The following RHOA variants were observed in gnomAD, a reference collection of about 807,000 sequenced individuals.
RHOA encodes transforming protein RhoA.
RHOA carries 3 observed loss-of-function variants against 17.5 expected under a neutral mutation model. The ratio of observed to expected loss-of-function variants is 0.17; its 90% CI spans 0.08 to 0.44. RHOA has a LOEUF of 0.44. Ranked by LOEUF, RHOA falls within the 20% of genes least tolerant of loss-of-function variation. RHOA has a pLI of 0.99. For missense variants in RHOA, 56 were observed against 242.3 expected, an observed-to-expected ratio of 0.23 and a Z score of 5.10; for synonymous variants, 98 against 88.4, an observed-to-expected ratio of 1.11 and a Z score of -0.61.
Position 49,381,446 on chromosome 3 carries a change from T to C in RHOA, c.-2-5855A>G, listed in dbSNP as rs113109889. Among the ~76,000 whole-genome samples the C allele has an allele frequency of 1.0e-3, 153 of 149,708 alleles. 1 individual carries two copies. Among genetic ancestry groups the C allele is most frequent in the South Asian group, 1.7e-3 (8 of 4,710 alleles). On this transcript the variant is annotated intron_variant, in intron 1 of 4. Coordinates refer to ENST00000418115, the MANE Select transcript of RHOA (RefSeq NM_001664.4). ...GTTAGCTGGGTTGGTGGCAGGCACC[T>C]GTAACCCCTGAAAGGCTACTCAGGA... is the stretch of plus-strand genomic sequence containing the variant.
chr3:49,388,592 C>A (rs2048441383), intron 1 of RHOA, among the ~76,000 whole-genome samples: 1 of 152,168 alleles, frequency 6.6e-6, no homozygotes. Flanking sequence ...ATGAGCAACT[C>A]TCCGCATTTC....
At chr3:49,406,107 G>C (rs779179707) in intron 1 of RHOA, among the ~76,000 whole-genome samples, 1 of 152,152 alleles carries the variant, frequency 6.6e-6, no homozygotes, top group East Asian at 1.9e-4. Flanking sequence ...AAAAAAACAG[G>C]TATTTCCAAC....
intron 1 of RHOA, among the ~76,000 whole-genome samples, chr3:49,400,372 C>T (rs904828473): frequency 6.6e-6 from 1 of 151,898 alleles, no homozygotes; most frequent in Non-Finnish European, 1.5e-5. Context: ...AGGGTTGATT[C>T]CCACTACTCA....
chr3:49,391,322 A>T (rs1575668031), intron 1 of RHOA, among the ~76,000 whole-genome samples: 1 of 151,238 alleles, frequency 6.6e-6, no homozygotes, highest in South Asian at 2.1e-4. Flanking sequence ...AACCCAGGAG[A>T]CAGAGGCTGC....
chr3:49,374,942 A>C (rs1185519021), intron 2 of RHOA, among the ~76,000 whole-genome samples: 2 of 152,004 alleles, frequency 1.3e-5, no homozygotes, highest in Admixed American at 6.6e-5. Context: ...CCGTAATCCC[A>C]GCTACTGGGG....
intron 1 of RHOA, among the ~76,000 whole-genome samples, chr3:49,411,230 T>TTA (rs1161748170): frequency 6.6e-6 from 1 of 152,006 alleles, no homozygotes; most frequent in African/African-American, 2.4e-5. Context: ...GCGTTCCAGG[T>TTA]GGTATGGCCG....
At chr3:49,365,066 A>G (rs1440256268) in intron 3 of RHOA, 1 of 152,000 alleles carries the variant, frequency 6.6e-6, no homozygotes, top group Non-Finnish European at 1.5e-5. Context: ...TACTGGGTTT[A>G]CTGTTGTTAT....
At chr3:49,385,221 CTT>C (rs539105194) in intron 1 of RHOA, among the ~76,000 whole-genome samples, 2 of 140,542 alleles carry the variant, frequency 1.4e-5, no homozygotes, top group Non-Finnish European at 3.1e-5. Context: ...GCCCCCCTAC[CTT>C]TTTTTTTTTT....
At position 49,359,550 on chromosome 3, in the gene RHOA, TAC is replaced by T. The variant is rs1481291546; in HGVS notation, c.*657_*658del. The T allele has an allele frequency of 9.9e-6, 2 of 202,938 alleles. No individual in the cohort carries two copies. Among genetic ancestry groups the T allele is most frequent in the African/African-American group, 4.6e-5 (2 of 43,632 alleles). 12.6% of individuals were successfully genotyped at this position (202,938 alleles called of 1,614,324 possible). On this transcript the variant is annotated 3_prime_UTR_variant, in exon 5 of 5. Coordinates refer to ENST00000418115, the MANE Select transcript of RHOA (RefSeq NM_001664.4). ...TACACTTTCTTTTTTAAAAAACCAA[TAC>T]ACTTTCTTTGAGGATGACAGTATTA...
At chr3:49,383,608 A>T (rs1439577665) in intron 1 of RHOA, among the ~76,000 whole-genome samples, 1 of 151,962 alleles carries the variant, frequency 6.6e-6, no homozygotes, top group African/African-American at 2.4e-5. Context: ...CCTGCACTCC[A>T]TTCCTTCCGG....
chr3:49,370,345 T>A (rs1319619960), intron 2 of RHOA, among the ~76,000 whole-genome samples: 1 of 152,200 alleles, frequency 6.6e-6, no homozygotes, highest in African/African-American at 2.4e-5. Flanking sequence ...TAAAAGTGTT[T>A]AATTATAAAT....
intron 2 of RHOA, chr3:49,373,246 A>G: frequency 4.8e-6 from 1 of 206,972 alleles, no homozygotes; most frequent in Non-Finnish European, 1.1e-5. Flanking sequence ...CGGGAGGCTG[A>G]GATAGGAGAA....
In RHOA at chr3:49,362,601, T is replaced by C; in HGVS notation, c.303A>G (p.Pro101=). The C allele has an allele frequency of 1.2e-6, 2 of 1,613,238 alleles. No homozygotes were observed. The highest frequency in any genetic ancestry group is 1.3e-5 in the African/African-American group (1 of 75,044). Residue 101 remains proline (P), a synonymous_variant, in exon 4 of 5, where the codon CCA becomes CCG. Coordinates refer to ENST00000418115, the MANE Select transcript of RHOA (RefSeq NM_001664.4). ...SLENIPEKWT[P]EVKHFCPNVP... The stretch of plus-strand genomic sequence containing the variant: ...CGTTGGGACAGAAATGCTTGACTTC[T>C]GGGGTCCACTTTTCTGGGATGTTTT...
chr3:49,377,723 A>G (rs1186532894), intron 1 of RHOA, among the ~76,000 whole-genome samples: 2 of 151,784 alleles, frequency 1.3e-5, no homozygotes. Context: ...GTGGTGAGCT[A>G]TGATTGCATC....
intron 1 of RHOA, among the ~76,000 whole-genome samples, chr3:49,390,904 G>A (rs1334093775): frequency 6.6e-6 from 1 of 151,920 alleles, no homozygotes; most frequent in African/African-American, 2.4e-5. Context: ...CCAACGTGGT[G>A]AAACCCCGTC....
intron 1 of RHOA, among the ~76,000 whole-genome samples, chr3:49,382,300 CAG>C (rs1309896152): frequency 6.6e-6 from 1 of 151,302 alleles, no homozygotes; most frequent in Non-Finnish European, 1.5e-5. Flanking sequence ...GCCTGGGTGA[CAG>C]AGAGAGACTC....
intron 1 of RHOA, among the ~76,000 whole-genome samples, chr3:49,389,715 G>T (rs1025613027): frequency 6.6e-6 from 1 of 151,692 alleles, no homozygotes; most frequent in African/African-American, 2.4e-5. Flanking sequence ...GCCGAGGCAG[G>T]CGGATCACGA....
chr3:49,375,360 C>A (rs2107848663), intron 2 of RHOA, 74 bp downstream of exon 2: 1 of 1,442,674 alleles, frequency 6.9e-7, no homozygotes, highest in Admixed American at 2.2e-5. Flanking sequence ...AGGCAAAAAG[C>A]TCTAATTCTC....
chr3:49,411,574 C>A (rs1398187437), intron 1 of RHOA, among the ~76,000 whole-genome samples: 5 of 151,736 alleles, frequency 3.3e-5, no homozygotes, highest in Admixed American at 3.3e-4. Flanking sequence ...CCACCAGGCC[C>A]GGCCGGGCGG....
Sources: gnomAD v4.1 joint callset for allele counts (sites outside exome capture counted in the v4.1 genomes callset) on GRCh38, gnomAD v4.1.1 for gene constraint, MANE v1.5 for transcripts, NCBI Gene and HGNC (gene_info 2026-07-23, HGNC 2026-07-21) for gene names.